The following WDR5 variants were observed in gnomAD, a reference collection of about 807,000 sequenced individuals.
WDR5 encodes the protein WD repeat-containing protein 5.
For missense variants in WDR5, 187 were observed against 416.9 expected (o/e 0.45, Z 4.80); for synonymous variants, 144 against 161.6 (o/e 0.89, Z 0.83).
chr9:134,137,697 C>T (rs1224298781), intron 1 of WDR5, among the ~76,000 whole-genome samples: 2 of 147,254 alleles, frequency 1.4e-5, no homozygotes, highest in Middle Eastern at 3.4e-3. Flanking sequence ...AAAAAAAACA[C>T]GCCAAGCCTA....
chr9:134,156,534 T>G lies in WDR5; in HGVS notation c.845T>G (p.Leu282Arg), dbSNP rs751661058. The G allele has an allele frequency of 6.2e-7, 1 of 1,614,238 alleles. No homozygotes were observed. Among genetic ancestry groups the G allele is most frequent in the Admixed American group, 1.7e-5 (1 of 60,036 alleles). The change falls in exon 13 of 14, where the codon CTT becomes CGT. Residue 282 changes from leucine to arginine, a missense_variant. Coordinates refer to ENST00000358625, the MANE Select transcript of WDR5 (RefSeq NM_017588.3). ...KWIVSGSEDN[L>R]VYIWNLQTKE... ...ATTGTGTCTGGCTCAGAGGATAACCTTGTTTACATCTGGAACCTTCAGACG... is the reference window on the plus strand; with the variant it reads ...ATTGTGTCTGGCTCAGAGGATAACCGTGTTTACATCTGGAACCTTCAGACG...
At chr9:134,141,037 A>G (rs1157381396) in intron 3 of WDR5, among the ~76,000 whole-genome samples, 4 of 152,066 alleles carry the variant, frequency 2.6e-5, no homozygotes, top group African/African-American at 7.2e-5. Context: ...TAATCTCAGC[A>G]CTTTGGGAGG....
intron 9 of WDR5, among the ~76,000 whole-genome samples, chr9:134,153,098 G>A (rs948011746): frequency 6.6e-6 from 1 of 152,288 alleles, no homozygotes. Flanking sequence ...CCAGCCTTTT[G>A]CCATGCATCT....
At position 134,157,868 on chromosome 9, in the gene WDR5, G is replaced by A. The variant is rs778667000; in HGVS notation, c.905-25G>A. On this transcript the variant is annotated intron_variant, in intron 13 of 13. Coordinates refer to ENST00000358625, the MANE Select transcript of WDR5 (RefSeq NM_017588.3). The surrounding 1 kb of genome is among the most constrained non-coding windows in gnomAD (Gnocchi z 5.0). ...CGACCCAGGCGCAGGGATGGCTCTG[G>A]TTCTGACTGTGTCTTTGTTTTCAGA... 1.6e-5 allele frequency: 26 copies of A among 1,612,544 alleles called. No homozygotes were observed. The highest frequency in any genetic ancestry group is 2.2e-5 in the Non-Finnish European group (26 of 1,178,720).
intron 3 of WDR5, 77 bp downstream of exon 3, chr9:134,140,888 T>C (rs1831850976): frequency 2.8e-6 from 4 of 1,405,696 alleles, no homozygotes; most frequent in Middle Eastern, 1.8e-4. Context: ...GGGGATGGCT[T>C]GCTTCCTCAC....
chr9:134,150,403 C>A (rs146478559), intron 8 of WDR5, among the ~76,000 whole-genome samples: 104 of 152,272 alleles, frequency 6.8e-4, no homozygotes, highest in African/African-American at 2.4e-3. Flanking sequence ...CAGCAGCCAA[C>A]CCTTCAGCAA....
At chr9:134,151,145 A>G (rs1288350415) in intron 8 of WDR5, among the ~76,000 whole-genome samples, 1 of 152,178 alleles carries the variant, frequency 6.6e-6, no homozygotes, top group Admixed American at 6.5e-5. Flanking sequence ...AATTGAGAAG[A>G]TGCAGAGTTG....
intron 3 of WDR5, among the ~76,000 whole-genome samples, chr9:134,141,265 G>A (rs553401765): frequency 1.3e-5 from 2 of 152,234 alleles, no homozygotes; most frequent in South Asian, 2.1e-4. Flanking sequence ...CAGCCTGGGC[G>A]ACAGAGCCAG....
intron 11 of WDR5, 106 bp from the exon 12 acceptor site, chr9:134,155,587 C>A: frequency 7.5e-7 from 1 of 1,341,818 alleles, no homozygotes; most frequent in South Asian, 1.3e-5. Flanking sequence ...TTGTACTTTT[C>A]AGAAATAAGT....
At chr9:134,151,618 G>A (rs1832491142) in intron 8 of WDR5, among the ~76,000 whole-genome samples, 1 of 152,150 alleles carries the variant, frequency 6.6e-6, no homozygotes, top group African/African-American at 2.4e-5. Context: ...TTGCATGAGC[G>A]TGGGCAGAGC....
rs1005385302 is a variant in WDR5, at chr9:134,158,811, C to G, written c.*818C>G. The G allele has an allele frequency of 3.3e-5, 5 of 151,354 alleles. No homozygotes were observed. Among genetic ancestry groups the G allele is most frequent in the African/African-American group, 1.2e-4 (5 of 40,756 alleles). 9.4% of individuals were successfully genotyped at this position (151,354 alleles called of 1,614,324 possible). On this transcript the variant is annotated 3_prime_UTR_variant, in exon 14 of 14. Coordinates refer to ENST00000358625, the MANE Select transcript of WDR5 (RefSeq NM_017588.3). ...GGTGCTGAGGCTGGCTGCACCTGCT[C>G]TCTGAAGACGCCTTCCTCTCTAGGT...
chr9:134,141,626 G>A, intron 4 of WDR5, 43 bp downstream of exon 4: 1 of 1,600,038 alleles, frequency 6.2e-7, no homozygotes, highest in South Asian at 1.1e-5. Flanking sequence ...GTTGAACAGG[G>A]TGGCTCTAGT....
At chr9:134,146,140 T>A (rs933383629) in intron 7 of WDR5, among the ~76,000 whole-genome samples, 5 of 151,462 alleles carry the variant, frequency 3.3e-5, no homozygotes, top group Non-Finnish European at 7.4e-5. Context: ...AATTTTTTTT[T>A]ATATTTTTAG....
At chr9:134,155,103 G>C (rs1280640529) in intron 10 of WDR5, among the ~76,000 whole-genome samples, 1 of 152,220 alleles carries the variant, frequency 6.6e-6, no homozygotes, top group East Asian at 1.9e-4. Flanking sequence ...TCAGCTTCCT[G>C]TTAAAGTCTC....
At chr9:134,141,800 C>T in intron 4 of WDR5, 149 bp from the exon 5 acceptor site, 2 of 874,484 alleles carry the variant, frequency 2.3e-6, no homozygotes, top group Non-Finnish European at 3.5e-6. Flanking sequence ...AGAAAGCCTG[C>T]TGTTTTTCTC....
intron 7 of WDR5, among the ~76,000 whole-genome samples, chr9:134,146,296 G>A (rs565019861): frequency 6.0e-5 from 9 of 150,872 alleles, no homozygotes; most frequent in Non-Finnish European, 1.3e-4. Context: ...ATACAGTGAC[G>A]CGATCTTGGC....
chr9:134,149,227 G>A (rs1419986863), intron 8 of WDR5, among the ~76,000 whole-genome samples: 1 of 152,214 alleles, frequency 6.6e-6, no homozygotes, highest in African/African-American at 2.4e-5. Context: ...GGTCTGGTGG[G>A]AGAGGGTCGT....
rs550077094 is a variant in WDR5 at position 134,155,349 on chromosome 9, G to A, written c.717G>A (p.Lys239=). 19 of 1,607,408 alleles carry A rather than the reference G, an allele frequency of 1.2e-5. No individual in the cohort carries two copies. The highest frequency in any genetic ancestry group is 1.5e-5 in the Non-Finnish European group (18 of 1,177,370). The change falls in exon 11 of 14, where the codon AAG becomes AAA. Residue 239 remains lysine, a synonymous_variant. Transcript: ENST00000358625. ...TCTCTCTGTCTTGCAGCACTCTGAA[G>A]CTCTGGGACTACAGCAAGGGGAAGG... ...ILAATLDNTL[K]LWDYSKGKCL...
rs1468626123 is a variant in WDR5 at position 134,155,682 on chromosome 9, T to G, written c.742-11T>G. The stretch of plus-strand genomic sequence containing the variant: ...ATGACTCTGTGACCAGCCTGTCCCC[T>G]CCTGTTTCAGTGCCTGAAGACGTAC... On this transcript the variant is annotated splice_polypyrimidine_tract_variant and intron_variant, in intron 11 of 13. Transcript: ENST00000358625. 1 of 1,613,928 alleles carries G rather than the reference T, an allele frequency of 6.2e-7. No homozygotes were observed. The highest frequency in any genetic ancestry group is 1.3e-5 in the African/African-American group (1 of 75,036).
Sources: gnomAD v4.1 joint callset for allele counts (sites outside exome capture counted in the v4.1 genomes callset) on GRCh38, gnomAD v4.1.1 for gene constraint, Gnocchi (gnomAD v3.1) non-coding constraint, MANE v1.5 for transcripts, NCBI Gene and HGNC (gene_info 2026-07-23, HGNC 2026-07-21) for gene names.